The following TMEM248 variants were observed in gnomAD, a reference collection of about 807,000 sequenced individuals.
The protein encoded by TMEM248 is UPF0458 protein C7orf42.
Under a neutral mutation model 30.3 loss-of-function variants are expected in TMEM248, and 9 were observed. The observed-to-expected ratio is 0.30, with a 90% CI of 0.18 to 0.52. The LOEUF is 0.52. Ranked by LOEUF, TMEM248 falls within the 20% of genes least tolerant of loss-of-function variation. The pLI, the probability that TMEM248 is intolerant of heterozygous loss-of-function variation, is 0.97. For missense variants in TMEM248, 338 were observed against 403.3 expected (o/e 0.84, Z 1.39); for synonymous variants, 184 against 154.4 (o/e 1.19, Z -1.42).
chr7:66,926,035 A>G (rs1447822892), intron 1 of TMEM248, among the ~76,000 whole-genome samples: 2 of 152,080 alleles, frequency 1.3e-5, no homozygotes, highest in Admixed American at 6.5e-5. Flanking sequence ...TTAGCTCCAC[A>G]TTCTCACCAG....
At chr7:66,949,947 G>A (rs777927911) in intron 4 of TMEM248, among the ~76,000 whole-genome samples, 40 of 152,010 alleles carry the variant, frequency 2.6e-4, no homozygotes, top group Admixed American at 4.6e-4. Context: ...ATTATCTCAG[G>A]ATTTGTCTAT....
chr7:66,931,297 CAAAA>C (rs758131446), intron 1 of TMEM248, among the ~76,000 whole-genome samples: 1,469 of 64,342 alleles, frequency 0.023, 22 homozygotes, highest in East Asian at 0.13. Flanking sequence ...GACAATATCT[CAAAA>C]AAAAAAAAAA....
chr7:66,941,809 G>A, intron 1 of TMEM248, 39 bp from the exon 2 acceptor site: 1 of 1,542,860 alleles, frequency 6.5e-7, no homozygotes, highest in East Asian at 2.3e-5. Context: ...TTTCCTGTTG[G>A]CAAGTCAGTC....
intron 3 of TMEM248, among the ~76,000 whole-genome samples, chr7:66,947,641 A>G (rs567266441): frequency 6.6e-6 from 1 of 151,632 alleles, no homozygotes; most frequent in Non-Finnish European, 1.5e-5. Flanking sequence ...ACTTCAAATG[A>G]TCCGCCCGCC....
intron 6 of TMEM248, among the ~76,000 whole-genome samples, chr7:66,953,939 C>CTTTTTT (rs34925648): frequency 2.0e-4 from 17 of 83,984 alleles, no homozygotes; most frequent in African/African-American, 2.9e-4. Flanking sequence ...AGATTACTTT[C>CTTTTTT]TTTTTTTTTT....
At chr7:66,936,869 A>G (rs1356202196) in intron 1 of TMEM248, among the ~76,000 whole-genome samples, 6 of 152,150 alleles carry the variant, frequency 3.9e-5, no homozygotes, top group Non-Finnish European at 2.9e-5. Context: ...ATCTGGTTCA[A>G]AACACCAACT....
intron 1 of TMEM248, among the ~76,000 whole-genome samples, chr7:66,936,840 C>T (rs1418945598): frequency 6.6e-6 from 1 of 152,026 alleles, no homozygotes; most frequent in African/African-American, 2.4e-5. Context: ...TGAATCTTGT[C>T]TCTCTTTTTT....
chr7:66,931,839 C>T (rs1256664525), intron 1 of TMEM248, among the ~76,000 whole-genome samples: 2 of 112,406 alleles, frequency 1.8e-5, no homozygotes, highest in African/African-American at 3.5e-5. Context: ...GAGTCTCGCT[C>T]TGTCACCCAG....
chr7:66,949,806 T>TG (rs1792214592), intron 4 of TMEM248, among the ~76,000 whole-genome samples: 1 of 152,162 alleles, frequency 6.6e-6, no homozygotes, highest in Non-Finnish European at 1.5e-5. Flanking sequence ...ATTTTAGGTT[T>TG]TTTTTGTTGT....
intron 2 of TMEM248, 36 bp from the exon 3 acceptor site, chr7:66,944,940 T>A: frequency 6.2e-7 from 1 of 1,610,480 alleles, no homozygotes; most frequent in Non-Finnish European, 8.5e-7. Context: ...CAGGCGCTGC[T>A]TAACACCCAT....
intron 3 of TMEM248, 95 bp from the exon 4 acceptor site, chr7:66,948,449 T>C: frequency 6.9e-7 from 1 of 1,442,428 alleles, no homozygotes; most frequent in Non-Finnish European, 9.4e-7. Flanking sequence ...GATAGATGAT[T>C]CCTGTGTGGG....
chr7:66,927,007 A>G lies in TMEM248; in HGVS notation c.-19+5546A>G, dbSNP rs116967254. On this transcript the variant is annotated intron_variant, in intron 1 of 6. Coordinates refer to ENST00000341567, the MANE Select transcript of TMEM248 (RefSeq NM_017994.5). ...CAGAAAGGTTTCATACTGAACTATT[A>G]GCTTTTGTTTGATCTTGGCATCCCT... Among the ~76,000 whole-genome samples, 739 of 152,360 alleles carry G rather than the reference A, an allele frequency of 4.9e-3. 2 individuals are homozygous for G. Among genetic ancestry groups the G allele is most frequent in the Non-Finnish European group, 7.7e-3 (525 of 68,034 alleles).
intron 1 of TMEM248, among the ~76,000 whole-genome samples, chr7:66,931,949 C>T (rs748565441): frequency 1.2e-4 from 18 of 151,484 alleles, no homozygotes; most frequent in East Asian, 1.9e-4. Flanking sequence ...GGACTACAGG[C>T]GCCCGCCACC....
chr7:66,942,455 A>G (rs530334858), intron 2 of TMEM248, among the ~76,000 whole-genome samples: 2 of 152,344 alleles, frequency 1.3e-5, no homozygotes, highest in African/African-American at 2.4e-5. Context: ...ATAAGAAGGA[A>G]TCCTAAAGAA....
intron 1 of TMEM248, among the ~76,000 whole-genome samples, chr7:66,930,097 C>T (rs1562937432): frequency 2.6e-5 from 4 of 152,184 alleles, no homozygotes; most frequent in East Asian, 1.9e-4. Flanking sequence ...GAAGTCAAGG[C>T]GGCTGCCATG....
At chr7:66,937,376 C>A (rs1467456059) in intron 1 of TMEM248, among the ~76,000 whole-genome samples, 1 of 152,118 alleles carries the variant, frequency 6.6e-6, no homozygotes, top group Non-Finnish European at 1.5e-5. Flanking sequence ...TCTGTTAGGT[C>A]CATTTGGTCT....
intron 1 of TMEM248, among the ~76,000 whole-genome samples, chr7:66,935,420 T>C (rs1490548089): frequency 6.6e-6 from 1 of 152,200 alleles, no homozygotes; most frequent in Non-Finnish European, 1.5e-5. Context: ...TGACCTCAGG[T>C]GATCCACCCA....
intron 2 of TMEM248, among the ~76,000 whole-genome samples, chr7:66,942,556 C>A (rs1017577976): frequency 3.9e-5 from 6 of 152,176 alleles, no homozygotes; most frequent in Non-Finnish European, 8.8e-5. Flanking sequence ...AGTGCAGTGG[C>A]GTACTCTCAG....
intron 5 of TMEM248, 135 bp from the exon 6 acceptor site, chr7:66,953,091 A>T: frequency 1.1e-6 from 1 of 952,000 alleles, no homozygotes; most frequent in Non-Finnish European, 1.6e-6. Flanking sequence ...AAAAGGAGAA[A>T]CCTCCTCTTG....
Sources: allele counts gnomAD v4.1 joint callset (sites outside exome capture counted in the v4.1 genomes callset), GRCh38; gene constraint gnomAD v4.1.1; transcripts MANE v1.5; gene names NCBI Gene and HGNC (gene_info 2026-07-23, HGNC 2026-07-21).